PDIA4: variants seen among roughly 807,000 people sequenced by gnomAD.
PDIA4 encodes the protein protein disulfide isomerase family A member 4.
PDIA4 carries 33 observed loss-of-function variants against 62.1 expected under a neutral mutation model. The observed-to-expected ratio is 0.53, with a 90% CI of 0.40 to 0.71. The LOEUF (loss-of-function observed/expected upper bound fraction) is 0.71, where lower values mean the gene tolerates loss of function less well. Ranked by LOEUF, PDIA4 falls within the 30% of genes least tolerant of loss-of-function variation. The probability of loss-of-function intolerance (pLI) is 0.00; values close to 1 mark genes in which losing one functional copy is unlikely to be tolerated. For synonymous variants in PDIA4, 341 were observed against 324.1 expected (o/e 1.05, Z -0.56); for missense variants, 804 against 813.6 (o/e 0.99, Z 0.14).
chr7:149,019,263 A>G, intron 2 of PDIA4, 66 bp from the exon 3 acceptor site: 2 of 1,110,538 alleles, frequency 1.8e-6, no homozygotes, highest in African/African-American at 1.5e-5. Context: ...TCCAACAATA[A>G]TACATACCAC....
At chr7:149,007,677 T>C (rs1330094288) in intron 7 of PDIA4, among the ~76,000 whole-genome samples, 3 of 152,126 alleles carry the variant, frequency 2.0e-5, no homozygotes, top group Non-Finnish European at 2.9e-5. Flanking sequence ...GGTGCAGTAA[T>C]GGAAAGAAAG....
intron 1 of PDIA4, among the ~76,000 whole-genome samples, chr7:149,026,091 G>GAA (rs71529657): frequency 5.9e-4 from 86 of 146,970 alleles, no homozygotes; most frequent in South Asian, 3.7e-3. Flanking sequence ...GAAGCAAAAA[G>GAA]AAAAAAAAAA....
At chr7:149,017,679 A>T (rs1012364959) in intron 3 of PDIA4, among the ~76,000 whole-genome samples, 1 of 143,806 alleles carries the variant, frequency 7.0e-6, no homozygotes, top group Admixed American at 6.8e-5. Context: ...TTATCAAAAT[A>T]AAATACATTT....
intron 3 of PDIA4, among the ~76,000 whole-genome samples, chr7:149,018,065 T>C (rs1824205068): frequency 6.6e-6 from 1 of 151,892 alleles, no homozygotes; most frequent in South Asian, 2.1e-4. Context: ...CCGTCTCTAC[T>C]AAAAATACAA....
chr7:149,014,050 T>C (rs1378456647), intron 4 of PDIA4, among the ~76,000 whole-genome samples: 1 of 152,214 alleles, frequency 6.6e-6, no homozygotes, highest in Non-Finnish European at 1.5e-5. Flanking sequence ...TCCCAGATCA[T>C]TTCCTTCTCT....
At chr7:149,006,074 G>GT in intron 7 of PDIA4, 21 bp from the exon 8 acceptor site, 1 of 1,538,714 alleles carries the variant, frequency 6.5e-7, no homozygotes, top group Non-Finnish European at 8.7e-7. Flanking sequence ...GAGGGAACAG[G>GT]TGAGGGGGCC....
rs1824082390 is a variant in PDIA4, at chr7:149,015,088, AG to A, written c.476-47del. ...CTGAGCACACAAGGCCCAAACTGGC[AG>A]GCACTTCACCTCCCTCCAGAAGCAG... On this transcript the variant is annotated intron_variant, in intron 3 of 9. Coordinates refer to ENST00000652332, the MANE Select transcript of PDIA4 (RefSeq NM_004911.5). 5 of 1,606,696 alleles carry A rather than the reference AG, an allele frequency of 3.1e-6. No individual in the cohort carries two copies. The East Asian group carries it at 1.1e-4, about 36-fold the overall frequency.
rs1055983038 is a variant in PDIA4 at position 149,005,906 on chromosome 7, A to G, written c.1279T>C (p.Tyr427His). 6.0e-6 allele frequency: 9 copies of G among 1,512,156 alleles called. No individual in the cohort carries two copies. The highest frequency in any genetic ancestry group is 7.9e-6 in the Non-Finnish European group (9 of 1,139,086). 93.7% of individuals were successfully genotyped at this position (1,512,156 alleles called of 1,614,324 possible). Residue 427 changes from tyrosine to histidine, a missense_variant, in exon 8 of 10, where the codon TAC (tyrosine) becomes CAC (histidine). By Grantham distance (83) the Tyr-to-His change is moderately conservative. Transcript: ENST00000652332. ...GGTGGGGGTCCCTCACCAGCTCTGT[A>G]ATCAAAGCTGAAGTCCACACTGTAG... ...VYYSVDFSFD[Y>H]RAATQFWRSK...
At position 149,003,760 on chromosome 7, in the gene PDIA4, C is replaced by T. The variant is rs749362546; in HGVS notation, c.*34G>A. The T allele has an allele frequency of 1.6e-5, 23 of 1,479,744 alleles. No individual in the cohort carries two copies. Among genetic ancestry groups the T allele is most frequent in the Non-Finnish European group, 2.1e-5 (23 of 1,114,446 alleles). The allele number at this position is 1,479,744 out of a possible 1,614,324, so 91.7% of individuals were successfully genotyped here. A position where few individuals can be genotyped will look rare whatever the true frequency, so the allele number is the denominator to read the frequency against. On this transcript the variant is annotated 3_prime_UTR_variant, in exon 10 of 10. Coordinates refer to ENST00000652332, the MANE Select transcript of PDIA4 (RefSeq NM_004911.5). ...CCCGACCATGGGCCACGCAGGGCGT[C>T]TGCCTCCTCCCACCTTCCGCAGACC...
At chr7:149,008,433 G>C in intron 6 of PDIA4, 123 bp from the exon 7 acceptor site, 2 of 946,708 alleles carry the variant, frequency 2.1e-6, no homozygotes, top group Non-Finnish European at 3.2e-6. Flanking sequence ...GGGCGCGGTG[G>C]CTCACGCCTG....
intron 7 of PDIA4, among the ~76,000 whole-genome samples, chr7:149,007,087 G>A (rs1428529724): frequency 1.3e-5 from 2 of 152,130 alleles, no homozygotes; most frequent in Non-Finnish European, 2.9e-5. Flanking sequence ...GCTGGGGGGA[G>A]GGGTCGCAGC....
At position 149,019,157 on chromosome 7, in the gene PDIA4, T is replaced by C. The variant is rs371941757; in HGVS notation, c.310A>G (p.Ile104Val). The C allele has an allele frequency of 2.5e-6, 4 of 1,613,796 alleles. No individual in the cohort carries two copies. In the African/African-American group the frequency reaches 5.3e-5, roughly 22 times the overall value. The change falls in exon 3 of 10, where the codon ATT becomes GTT. Residue 104 changes from isoleucine to valine, a missense_variant. By Grantham distance (29) the Ile-to-Val change is conservative. Coordinates refer to ENST00000652332, the MANE Select transcript of PDIA4 (RefSeq NM_004911.5). ...CKQFAPEYEKIANILKDKDPP... is the reference protein window; with the variant it reads ...CKQFAPEYEKVANILKDKDPP... ...TCTTTATCCTTTAATATGTTGGCAATTTTTTCATATTCCGGAGCAAACTGC... is the reference window on the plus strand; with the variant it reads ...TCTTTATCCTTTAATATGTTGGCAACTTTTTCATATTCCGGAGCAAACTGC...
intron 8 of PDIA4, 97 bp from the exon 9 acceptor site, chr7:149,005,471 G>C (rs1563118861): frequency 2.6e-6 from 2 of 771,808 alleles, no homozygotes; most frequent in Admixed American, 2.1e-5. Context: ...CTAATATTCT[G>C]ACAATGCTCA....
At chr7:149,015,226 G>A (rs1002423947) in intron 3 of PDIA4, among the ~76,000 whole-genome samples, 184 bp from the exon 4 acceptor site, 1 of 152,076 alleles carries the variant, frequency 6.6e-6, no homozygotes, top group Non-Finnish European at 1.5e-5. Flanking sequence ...AGAGTCAGAA[G>A]GTTCGCTATT....
chr7:149,020,908 G>C, intron 2 of PDIA4, 59 bp downstream of exon 2: 5 of 1,575,708 alleles, frequency 3.2e-6, no homozygotes, highest in Non-Finnish European at 4.3e-6. Flanking sequence ...CCGGGTGAAG[G>C]GCTGAGCGAA....
Position 149,008,571 on chromosome 7 carries a change from T to C in PDIA4, c.980-261A>G, listed in dbSNP as rs138789731. On this transcript the variant is annotated intron_variant, in intron 6 of 9. Transcript: ENST00000652332. The stretch of plus-strand genomic sequence containing the variant: ...CACAAACATTAGCCGGGTGTGGTGA[T>C]GCAAGCCTGTAGTCCCAACTACTTG... 5.5e-3 allele frequency among the ~76,000 whole-genome samples: 839 copies of C among 152,176 alleles called. 1 individual carries two copies. Among genetic ancestry groups the C allele is most frequent in the Non-Finnish European group, 9.6e-3 (651 of 68,008 alleles).
intron 3 of PDIA4, among the ~76,000 whole-genome samples, chr7:149,015,492 CAAA>C (rs34656815): frequency 6.0e-4 from 63 of 104,386 alleles, no homozygotes; most frequent in East Asian, 2.1e-3. Flanking sequence ...AAGATGTATG[CAAA>C]AAAAAAAAAA....
rs1450387311 is a variant in PDIA4, at chr7:149,018,987, C to A, written c.475+5G>T. The A allele has an allele frequency of 6.2e-7, 1 of 1,605,844 alleles. No homozygotes were observed. The highest frequency in any genetic ancestry group is 1.1e-5 in the South Asian group (1 of 90,920). On this transcript the variant is annotated splice_donor_5th_base_variant and intron_variant, in intron 3 of 9. Transcript: ENST00000652332. ...CTTCCTCTACGAGCTCAGGTACCAGCTCACCTTCCTGGGTTCTGGAGCCCT... is the reference window on the plus strand; with the variant it reads ...CTTCCTCTACGAGCTCAGGTACCAGATCACCTTCCTGGGTTCTGGAGCCCT...
intron 3 of PDIA4, among the ~76,000 whole-genome samples, chr7:149,015,833 C>G (rs1824117876): frequency 6.6e-6 from 1 of 152,236 alleles, no homozygotes; most frequent in Non-Finnish European, 1.5e-5. Flanking sequence ...TGTGCCCTGC[C>G]CCCCAGACCA....
Sources: gnomAD v4.1 joint callset for allele counts (sites outside exome capture counted in the v4.1 genomes callset) on GRCh38, gnomAD v4.1.1 for gene constraint, MANE v1.5 for transcripts, NCBI Gene and HGNC (gene_info 2026-07-23, HGNC 2026-07-21) for gene names.